The following RTTN variants were observed in gnomAD, a reference collection of about 807,000 sequenced individuals.
RTTN encodes rotatin.
A neutral mutation model predicts 269.2 loss-of-function variants in RTTN; 182 were observed. That is an observed-to-expected ratio of 0.68 (90% CI 0.60 to 0.76). The LOEUF is 0.76. Among genes scored for constraint, RTTN ranks in the 30% least tolerant of loss-of-function variants. The probability of loss-of-function intolerance (pLI) is 0.00; values close to 1 mark genes in which losing one functional copy is unlikely to be tolerated. For synonymous variants in RTTN, 1,006 were observed against 963.5 expected (o/e 1.04, Z -0.82); for missense variants, 2,545 against 2,608.6 (o/e 0.98, Z 0.53).
At chr18:70,014,572 A>C (rs1257536568) in intron 46 of RTTN, among the ~76,000 whole-genome samples, 2 of 152,200 alleles carry the variant, frequency 1.3e-5, no homozygotes, top group Non-Finnish European at 2.9e-5. Context: ...CTAAGTACCC[A>C]CAGGCACCAT....
intron 25 of RTTN, among the ~76,000 whole-genome samples, chr18:70,126,240 T>C (rs1231743425): frequency 6.6e-6 from 1 of 152,150 alleles, no homozygotes; most frequent in Admixed American, 6.6e-5. Flanking sequence ...TCTATGGTTT[T>C]AATTCACAAG....
intron 30 of RTTN, 121 bp from the exon 31 acceptor site, chr18:70,088,268 A>T (rs890603317): frequency 3.1e-5 from 26 of 849,716 alleles, no homozygotes; most frequent in Non-Finnish European, 4.2e-5. Context: ...ATGATCCTAA[A>T]TTATAAGAGA....
chr18:70,113,762 T>C (rs1233397045), intron 27 of RTTN, among the ~76,000 whole-genome samples: 1 of 152,160 alleles, frequency 6.6e-6, no homozygotes, highest in African/African-American at 2.4e-5. Context: ...CTTGGAAACA[T>C]GATGCTAAGT....
At chr18:70,153,262 C>T (rs1208735532) in intron 14 of RTTN, among the ~76,000 whole-genome samples, 2 of 151,864 alleles carry the variant, frequency 1.3e-5, no homozygotes, top group Non-Finnish European at 2.9e-5. Flanking sequence ...ATATTCTATA[C>T]ATATAGTGTT....
chr18:70,163,260 T>C (rs988599825), intron 14 of RTTN, among the ~76,000 whole-genome samples: 1 of 151,746 alleles, frequency 6.6e-6, no homozygotes, highest in African/African-American at 2.4e-5. Flanking sequence ...TGCACGCCTG[T>C]AGTCCCAGCT....
chr18:70,115,620 A>T (rs968305832), intron 26 of RTTN, among the ~76,000 whole-genome samples: 4 of 151,968 alleles, frequency 2.6e-5, no homozygotes, highest in Non-Finnish European at 4.4e-5. Flanking sequence ...ATTTATAAAG[A>T]GGTTAAATAA....
At chr18:70,164,403 A>C (rs1035294404) in intron 14 of RTTN, among the ~76,000 whole-genome samples, 4 of 151,490 alleles carry the variant, frequency 2.6e-5, no homozygotes, top group African/African-American at 9.7e-5. Context: ...TTGTACAAAC[A>C]GGATTTCCCT....
chr18:70,173,399 A>G (rs2145956256), intron 11 of RTTN, among the ~76,000 whole-genome samples: 1 of 150,288 alleles, frequency 6.7e-6, no homozygotes, highest in East Asian at 2.0e-4. Flanking sequence ...AGGCTGAGGC[A>G]GGAGAATGGC....
chr18:70,125,252 G>T (rs1175051385), intron 25 of RTTN, among the ~76,000 whole-genome samples: 2 of 151,918 alleles, frequency 1.3e-5, no homozygotes, highest in Non-Finnish European at 2.9e-5. Context: ...GTTCATTTCG[G>T]TATACATGTA....
chr18:70,025,412 G>A (rs1208475510), intron 43 of RTTN, among the ~76,000 whole-genome samples: 4 of 152,144 alleles, frequency 2.6e-5, no homozygotes, highest in African/African-American at 9.7e-5. Context: ...GGACAATATT[G>A]CAGATAAAAT....
chr18:70,184,716 T>TTTTGTGTGTGTGTG (rs59000945), intron 10 of RTTN, among the ~76,000 whole-genome samples: 16 of 33,452 alleles, frequency 4.8e-4, no homozygotes, highest in African/African-American at 8.9e-4. Flanking sequence ...TTTTTTTTTT[T>TTTTGTGTGTGTGTG]TGTGTGTGTG....
intron 10 of RTTN, among the ~76,000 whole-genome samples, chr18:70,180,032 T>C (rs964354393): frequency 2.0e-5 from 3 of 152,106 alleles, no homozygotes; most frequent in Non-Finnish European, 2.9e-5. Flanking sequence ...TTGTGTTCCA[T>C]CTACTACCAG....
In RTTN at chr18:70,197,672, C is replaced by T. The variant is rs181379656; in HGVS notation, c.645G>A (p.Met215Ile). ...NTCELLKDVI[M>I]QDFPAEIFLQ... ...GGAAAATCTCAGCAGGAAAATCTTG[C>T]ATGATAACATCCTTCAATAGTTCAC... The change falls in exon 6 of 49, where the codon ATG becomes ATA. Residue 215 changes from methionine (M) to isoleucine (I), a missense_variant. Physicochemically the swap from Met to Ile is conservative, Grantham distance 10 (BLOSUM62 1). Coordinates refer to ENST00000640769, the MANE Select transcript of RTTN (RefSeq NM_173630.4). The T allele has an allele frequency of 3.8e-5, 61 of 1,613,912 alleles. No individual in the cohort carries two copies. The highest frequency in any genetic ancestry group is 1.7e-4 in the Admixed American group (10 of 60,022).
intron 32 of RTTN, among the ~76,000 whole-genome samples, chr18:70,075,748 C>T (rs531185088): frequency 1.3e-5 from 2 of 152,114 alleles, no homozygotes; most frequent in African/African-American, 2.4e-5. Flanking sequence ...TAAACACCCC[C>T]GTGAAGGGAC....
chr18:70,099,173 T>C (rs568574126), intron 28 of RTTN, among the ~76,000 whole-genome samples: 3 of 152,322 alleles, frequency 2.0e-5, no homozygotes, highest in African/African-American at 7.2e-5. Flanking sequence ...CACCACACTG[T>C]CTGCCACAAT....
rs116367627 is a variant in RTTN, at chr18:70,157,413, T to C, written c.1930-6680A>G. On this transcript the variant is annotated intron_variant, in intron 14 of 48. Transcript: ENST00000640769. ...AAGCCAATTGACTAATCCCAACTTA[T>C]ACCACAGTAAAATCCTCAATGGCAT... is the stretch of plus-strand genomic sequence containing the variant. Among the ~76,000 whole-genome samples the C allele has an allele frequency of 2.9e-3, 438 of 152,252 alleles. 1 individual carries two copies. The highest frequency in any genetic ancestry group is 9.7e-3 in the African/African-American group (404 of 41,540).
At chr18:70,071,207 CA>C (rs1449015914) in intron 34 of RTTN, among the ~76,000 whole-genome samples, 1 of 152,072 alleles carries the variant, frequency 6.6e-6, no homozygotes, top group Non-Finnish European at 1.5e-5. Context: ...AAAATAGTAA[CA>C]ATGCTTTTCA....
intron 34 of RTTN, among the ~76,000 whole-genome samples, chr18:70,070,011 C>T (rs573841970): frequency 5.1e-4 from 78 of 152,184 alleles, no homozygotes; most frequent in South Asian, 2.7e-3. Context: ...CAAATTATAA[C>T]AAGAAGTTTA....
At chr18:70,132,245 C>T (rs1245243680) in intron 23 of RTTN, among the ~76,000 whole-genome samples, 1 of 151,992 alleles carries the variant, frequency 6.6e-6, no homozygotes, top group African/African-American at 2.4e-5. Context: ...ACTTCACACA[C>T]ATATAATAAA....
Sources: allele counts gnomAD v4.1 joint callset (sites outside exome capture counted in the v4.1 genomes callset), GRCh38; gene constraint gnomAD v4.1.1; transcripts MANE v1.5; gene names NCBI Gene and HGNC (gene_info 2026-07-23, HGNC 2026-07-21).